Variants in ADGRF1 observed in about 807,000 individuals in gnomAD.
ADGRF1 encodes adhesion G protein-coupled receptor F1.
Under a neutral mutation model 87.2 loss-of-function variants are expected in ADGRF1, and 85 were observed. That is an observed-to-expected ratio of 0.97 (90% CI 0.82 to 1.17). The LOEUF (loss-of-function observed/expected upper bound fraction) is 1.17. Ranked by LOEUF, ADGRF1 falls within the 50% of genes most tolerant of loss-of-function variation. The pLI is 0.00. For synonymous variants in ADGRF1, 430 were observed against 408.8 expected, an observed-to-expected ratio of 1.05 and a Z score of -0.63; for missense variants, 1,169 against 1,077.2, an observed-to-expected ratio of 1.09 and a Z score of -1.19.
At chr6:47,020,698 G>T in intron 7 of ADGRF1, 33 bp downstream of exon 7, 1 of 1,608,248 alleles carries the variant, frequency 6.2e-7, no homozygotes, top group Non-Finnish European at 8.5e-7. Flanking sequence ...CCCAATTCTG[G>T]GGATGCCCTT....
intron 7 of ADGRF1, chr6:47,020,122 T>C: frequency 9.6e-7 from 1 of 1,044,708 alleles, no homozygotes; most frequent in Non-Finnish European, 1.1e-6. Flanking sequence ...TCTCCTGCCT[T>C]CTTTCAAGTT....
chr6:47,037,903 C>T (rs1780635231), intron 1 of ADGRF1, among the ~76,000 whole-genome samples: 1 of 152,166 alleles, frequency 6.6e-6, no homozygotes, highest in Non-Finnish European at 1.5e-5. Flanking sequence ...CCCTGTCACC[C>T]AGGCTGGAGT....
intron 4 of ADGRF1, 153 bp from the exon 5 acceptor site, chr6:47,024,370 A>G: frequency 3.3e-6 from 2 of 607,530 alleles, no homozygotes; most frequent in South Asian, 4.4e-5. Flanking sequence ...GCTAGAATAC[A>G]GTGGCATGAT....
At chr6:47,001,688 C>G in intron 13 of ADGRF1, 121 bp from the exon 14 acceptor site, 1 of 727,020 alleles carries the variant, frequency 1.4e-6, no homozygotes. Flanking sequence ...GTGCTATTCT[C>G]TTTTTAAGAA....
intron 4 of ADGRF1, among the ~76,000 whole-genome samples, chr6:47,024,461 C>T (rs1009548956): frequency 9.2e-5 from 14 of 152,268 alleles, no homozygotes; most frequent in Middle Eastern, 3.4e-3. Flanking sequence ...ATTACAGGCA[C>T]GCACCATCAC....
At chr6:47,005,766 T>G in intron 13 of ADGRF1, 51 bp downstream of exon 13, 1 of 1,369,136 alleles carries the variant, frequency 7.3e-7, no homozygotes. Context: ...AAGAGAAGAA[T>G]GCAAAACTGG....
chr6:47,016,366 G>T (rs941335538), intron 8 of ADGRF1, among the ~76,000 whole-genome samples: 1 of 152,160 alleles, frequency 6.6e-6, no homozygotes, highest in African/African-American at 2.4e-5. Flanking sequence ...ACAGCCTGCA[G>T]TGAAGTCAGT....
At chr6:47,014,635 C>T (rs1449845523) in intron 9 of ADGRF1, 46 bp downstream of exon 9, 2 of 1,591,668 alleles carry the variant, frequency 1.3e-6, no homozygotes, top group African/African-American at 1.3e-5. Context: ...TATTGCCACT[C>T]TGAAACTCAA....
chr6:47,013,603 T>C (rs1779771984), intron 9 of ADGRF1: 1 of 985,490 alleles, frequency 1.0e-6, no homozygotes, highest in African/African-American at 1.7e-5. Context: ...CTTCTTTCTG[T>C]CTTACTTGTC....
At chr6:47,015,930 G>T (rs1041710661) in intron 8 of ADGRF1, among the ~76,000 whole-genome samples, 1 of 151,810 alleles carries the variant, frequency 6.6e-6, no homozygotes, top group African/African-American at 2.4e-5. Context: ...TAGAGTCGGG[G>T]TTTCACCACG....
At chr6:47,011,880 A>G (rs948358599) in intron 10 of ADGRF1, 127 bp downstream of exon 10, 5 of 790,872 alleles carry the variant, frequency 6.3e-6, no homozygotes, top group Non-Finnish European at 9.9e-6. Context: ...GGAAGCAGTA[A>G]AGTTCACATA....
chr6:47,037,146 A>T (rs1485465164), intron 1 of ADGRF1, among the ~76,000 whole-genome samples: 1 of 152,190 alleles, frequency 6.6e-6, no homozygotes, highest in Non-Finnish European at 1.5e-5. Flanking sequence ...CTCTATCCAC[A>T]GTATCTTTTT....
At chr6:47,013,166 C>T in intron 9 of ADGRF1, 1 of 985,462 alleles carries the variant, frequency 1.0e-6, no homozygotes, top group Non-Finnish European at 1.2e-6. Context: ...AGTCCCCTTC[C>T]ACTCAACATT....
At chr6:47,016,583 T>C (rs577395776) in intron 8 of ADGRF1, 34 bp downstream of exon 8, 1 of 1,556,070 alleles carries the variant, frequency 6.4e-7, no homozygotes, top group East Asian at 2.3e-5. Flanking sequence ...AAGGACTCTC[T>C]TAACCTAAGC....
intron 7 of ADGRF1, chr6:47,020,220 G>A: frequency 8.0e-7 from 1 of 1,255,424 alleles, no homozygotes; most frequent in Non-Finnish European, 1.0e-6. Flanking sequence ...TAGGCCAGAT[G>A]TGGTGGCTCA....
rs535380076 is a variant in ADGRF1 at position 47,005,207 on chromosome 6, T to C, written c.2592+610A>G. ...GTGTTCAAGCACTTTTGTTTCTAAA[T>C]ATACTATCCCCATATGGATTATACT... is the stretch of plus-strand genomic sequence containing the variant. On this transcript the variant is annotated intron_variant, in intron 13 of 14. Coordinates refer to ENST00000371253, the MANE Select transcript of ADGRF1 (RefSeq NM_153840.4). Among the ~76,000 whole-genome samples, 10 of 152,284 alleles carry C rather than the reference T, an allele frequency of 6.6e-5. No homozygotes were observed. The Middle Eastern group carries it at 0.014, about 207-fold the overall frequency.
chr6:47,035,724 T>G (rs939007323), intron 1 of ADGRF1, among the ~76,000 whole-genome samples: 2 of 152,234 alleles, frequency 1.3e-5, no homozygotes, highest in Non-Finnish European at 2.9e-5. Context: ...TGATTGTTAA[T>G]TTGATCTCCA....
intron 1 of ADGRF1, among the ~76,000 whole-genome samples, chr6:47,041,871 T>A (rs1219096809): frequency 6.6e-6 from 1 of 152,224 alleles, no homozygotes; most frequent in Non-Finnish European, 1.5e-5. Flanking sequence ...CCCTTTTTAT[T>A]CTAGGCAATC....
intron 7 of ADGRF1, chr6:47,019,862 G>A: frequency 1.0e-6 from 1 of 984,626 alleles, no homozygotes. Flanking sequence ...AACAACTTTT[G>A]GAATTAAGGC....
Sources: gnomAD v4.1 joint callset for allele counts (sites outside exome capture counted in the v4.1 genomes callset) on GRCh38, gnomAD v4.1.1 for gene constraint, MANE v1.5 for transcripts, NCBI Gene and HGNC (gene_info 2026-07-23, HGNC 2026-07-21) for gene names.